Variants in RNPC3 observed in about 807,000 individuals in gnomAD.
The protein encoded by RNPC3 is RNA-binding region-containing protein 3.
RNPC3 carries 48 observed loss-of-function variants against 67.5 expected under a neutral mutation model. The ratio of observed to expected loss-of-function variants is 0.71; its 90% CI spans 0.56 to 0.90. The LOEUF (loss-of-function observed/expected upper bound fraction) is 0.90. Among genes scored for constraint, RNPC3 ranks in the 40% least tolerant of loss-of-function variants. The pLI is 0.00. For missense variants in RNPC3, 637 were observed against 626.1 expected, an observed-to-expected ratio of 1.02 and a Z score of -0.19; for synonymous variants, 239 against 210.3, an observed-to-expected ratio of 1.14 and a Z score of -1.18.
chr1:103,533,924 A>T (rs907031279), intron 3 of RNPC3, 67 bp downstream of exon 3: 55 of 831,606 alleles, frequency 6.6e-5, no homozygotes, highest in Non-Finnish European at 9.5e-5. Context: ...TAAATCAGTT[A>T]TACAGTTATT....
chr1:103,539,493 T>C (rs1200959196), intron 7 of RNPC3, among the ~76,000 whole-genome samples: 2 of 152,232 alleles, frequency 1.3e-5, no homozygotes, highest in Non-Finnish European at 2.9e-5. Context: ...GCGGACTAAT[T>C]ACTTAACCTC....
intron 14 of RNPC3, chr1:103,554,437 G>C (rs1651483017): frequency 1.3e-5 from 2 of 152,456 alleles, no homozygotes; most frequent in Non-Finnish European, 2.9e-5. Flanking sequence ...GTGTAGCACA[G>C]ATGTTGGAAT....
chr1:103,535,394 G>A lies in RNPC3; in HGVS notation c.508G>A (p.Ala170Thr). ...MYPPPSSTIL[A>T]NIVNALASVP... is the part of the protein sequence containing the mutation. ...CCCACCACCTTCCAGCACAATCCTA[G>A]CAAACATTGTAAATGCCTTGGCAAG... The change falls in exon 5 of 15, where the codon GCA becomes ACA. Residue 170 changes from alanine (A) to threonine (T), a missense_variant. By Grantham distance (58) the Ala-to-Thr change is moderately conservative. Transcript: ENST00000423855. The A allele has an allele frequency of 6.5e-7, 1 of 1,535,680 alleles. No homozygotes were observed. Among genetic ancestry groups the A allele is most frequent in the Non-Finnish European group, 8.7e-7 (1 of 1,145,788 alleles).
intron 12 of RNPC3, among the ~76,000 whole-genome samples, chr1:103,548,365 C>T (rs1244597781): frequency 6.6e-6 from 1 of 152,162 alleles, no homozygotes; most frequent in Non-Finnish European, 1.5e-5. Flanking sequence ...CTCTTGAATG[C>T]TTTGCTGCTT....
chr1:103,540,295 G>A lies in RNPC3; in HGVS notation c.768-1055G>A, dbSNP rs575152079. Among the ~76,000 whole-genome samples the A allele has an allele frequency of 5.3e-5, 8 of 152,076 alleles. No homozygotes were observed. The South Asian group carries it at 6.2e-4, about 12-fold the overall frequency. On this transcript the variant is annotated intron_variant, in intron 7 of 14. Coordinates refer to ENST00000423855, the MANE Select transcript of RNPC3 (RefSeq NM_017619.4). ...TGTATATGAAACTTAAATGAATTTC[G>A]TGTTTAAATTTGTGTCTCATCCCCA...
Position 103,526,064 on chromosome 1 carries a change from A to T in RNPC3, c.-7A>T, listed in dbSNP as rs1287922706. The T allele has an allele frequency of 1.3e-5, 20 of 1,515,088 alleles. No individual in the cohort carries two copies. Among genetic ancestry groups the T allele is most frequent in the Non-Finnish European group, 1.8e-5 (20 of 1,124,700 alleles). The allele number at this position is 1,515,088 out of a possible 1,614,324, so 93.9% of individuals were successfully genotyped here. On this transcript the variant is annotated 5_prime_UTR_variant, in exon 1 of 15. Coordinates refer to ENST00000423855, the MANE Select transcript of RNPC3 (RefSeq NM_017619.4). ...CCACGATTTCTGTTTTTGCTTCTCC[A>T]AGGAAAATGGCAGCTCCCGAGCAGC...
intron 12 of RNPC3, among the ~76,000 whole-genome samples, chr1:103,550,300 C>T (rs931677590): frequency 1.3e-5 from 2 of 151,350 alleles, no homozygotes; most frequent in African/African-American, 4.9e-5. Flanking sequence ...CAGATAGTGC[C>T]AGATTGTAAG....
chr1:103,530,568 G>C (rs969277276), intron 2 of RNPC3, among the ~76,000 whole-genome samples: 1 of 152,100 alleles, frequency 6.6e-6, no homozygotes, highest in Non-Finnish European at 1.5e-5. Flanking sequence ...TGAAGTCAGA[G>C]AAGTCATAGA....
At chr1:103,553,009 A>G (rs1651436157) in intron 14 of RNPC3, among the ~76,000 whole-genome samples, 1 of 152,204 alleles carries the variant, frequency 6.6e-6, no homozygotes, top group Admixed American at 6.5e-5. Context: ...TGTAAACTAA[A>G]AGAACACGAA....
chr1:103,530,334 G>T (rs150028038), intron 2 of RNPC3, among the ~76,000 whole-genome samples: 1 of 152,150 alleles, frequency 6.6e-6, no homozygotes, highest in Admixed American at 6.5e-5. Flanking sequence ...AGTGGGGAGA[G>T]GTCAGGCTGT....
intron 10 of RNPC3, chr1:103,545,498 T>G (rs1651221707): frequency 6.4e-6 from 1 of 155,742 alleles, no homozygotes; most frequent in Admixed American, 6.5e-5. Flanking sequence ...AATACATGAT[T>G]TTAGGATTTT....
intron 14 of RNPC3, 123 bp downstream of exon 14, chr1:103,551,915 CTG>C (rs1389425013): frequency 1.8e-6 from 1 of 562,316 alleles, no homozygotes; most frequent in Non-Finnish European, 3.1e-6. Flanking sequence ...AAATACCTAT[CTG>C]TGCAGTTAAG....
At chr1:103,528,919 A>G (rs906976910) in intron 2 of RNPC3, among the ~76,000 whole-genome samples, 2 of 152,202 alleles carry the variant, frequency 1.3e-5, no homozygotes, top group Non-Finnish European at 2.9e-5. Context: ...TCTTTTTGCC[A>G]TGAAACAATA....
At chr1:103,533,997 T>G in intron 3 of RNPC3, 140 bp downstream of exon 3, 1 of 608,760 alleles carries the variant, frequency 1.6e-6, no homozygotes, top group Non-Finnish European at 2.9e-6. Flanking sequence ...TTAAACCTAG[T>G]ACAGTAAAAC....
chr1:103,534,686 A>T, intron 3 of RNPC3, 88 bp from the exon 4 acceptor site: 2 of 664,492 alleles, frequency 3.0e-6, no homozygotes, highest in Non-Finnish European at 4.8e-6. Context: ...TTTTATAATG[A>T]CATGTTTGAA....
intron 1 of RNPC3, 135 bp downstream of exon 1, chr1:103,526,397 C>CT (rs1650710173): frequency 3.0e-6 from 2 of 660,400 alleles, no homozygotes; most frequent in Non-Finnish European, 5.0e-6. Context: ...CATCCTACCT[C>CT]TTTTTTATCA....
intron 1 of RNPC3, 87 bp downstream of exon 1, chr1:103,526,349 C>T (rs1013663705): frequency 6.2e-6 from 7 of 1,130,650 alleles, no homozygotes; most frequent in South Asian, 4.9e-5. Flanking sequence ...AAAATGGAAA[C>T]GAGTGGGGAA....
At chr1:103,553,149 A>C (rs1295103353) in intron 14 of RNPC3, 1 of 152,168 alleles carries the variant, frequency 6.6e-6, no homozygotes, top group Non-Finnish European at 1.5e-5. Flanking sequence ...CTGGGTAGTC[A>C]CAAGTCTTAT....
intron 12 of RNPC3, among the ~76,000 whole-genome samples, chr1:103,547,340 G>T (rs888116792): frequency 6.6e-6 from 1 of 152,174 alleles, no homozygotes; most frequent in Non-Finnish European, 1.5e-5. Context: ...AATATTCATG[G>T]CTGTGTTCTA....
Sources: gnomAD v4.1 joint callset for allele counts (sites outside exome capture counted in the v4.1 genomes callset) on GRCh38, gnomAD v4.1.1 for gene constraint, MANE v1.5 for transcripts, NCBI Gene and HGNC (gene_info 2026-07-23, HGNC 2026-07-21) for gene names.